The following ENTHD1 variants were observed in gnomAD, a reference collection of about 807,000 sequenced individuals.
ENTHD1 encodes the protein ENTH domain-containing protein 1.
Under a neutral mutation model 39.1 loss-of-function variants are expected in ENTHD1, and 23 were observed. That is an observed-to-expected ratio of 0.59 (90% CI 0.42 to 0.83). The LOEUF is 0.83. Among genes scored for constraint, ENTHD1 ranks in the 40% least tolerant of loss-of-function variants. ENTHD1 has a pLI of 0.00. For missense variants in ENTHD1, 624 were observed against 705.4 expected, an observed-to-expected ratio of 0.88 and a Z score of 1.31; for synonymous variants, 230 against 258.2, an observed-to-expected ratio of 0.89 and a Z score of 1.05.
Position 39,744,194 on chromosome 22 carries a change from A to T in ENTHD1, c.1309T>A (p.Leu437Ile). 2 of 1,614,126 alleles carry T rather than the reference A, an allele frequency of 1.2e-6. No individual in the cohort carries two copies. The highest frequency in any genetic ancestry group is 1.7e-6 in the Non-Finnish European group (2 of 1,179,982). The part of the protein sequence containing the change: ...LASPEKSAHL[L>I]SPILAGPSFW... ...GAAGGTCCGGCCAGAATTGGTGATAAGAGATGAGCTGACTTCTCTGGAGAG... is the reference window on the plus strand; with the variant it reads ...GAAGGTCCGGCCAGAATTGGTGATATGAGATGAGCTGACTTCTCTGGAGAG... The change falls in exon 7 of 7, where the codon TTA becomes ATA. Residue 437 changes from leucine (L) to isoleucine (I), a missense_variant. Coordinates refer to ENST00000325157, the MANE Select transcript of ENTHD1 (RefSeq NM_152512.4).
intron 5 of ENTHD1, among the ~76,000 whole-genome samples, chr22:39,769,047 TAC>T (rs1376954616): frequency 2.0e-5 from 3 of 150,784 alleles, no homozygotes; most frequent in African/African-American, 4.9e-5. Context: ...TGTACATATA[TAC>T]ACACACTAAC....
At position 39,799,377 on chromosome 22, in the gene ENTHD1, G is replaced by C. The variant is rs149915640; in HGVS notation, c.832+21616C>G. ...CCATTCCCCTGGGCTGCAGGACACT[G>C]TGTGTTAGAGCGGTGGTGATGCAGG... On this transcript the variant is annotated intron_variant, in intron 5 of 6. Transcript: ENST00000325157. 3.2e-3 allele frequency among the ~76,000 whole-genome samples: 485 copies of C among 152,320 alleles called. 5 individuals are homozygous for C. Among genetic ancestry groups the C allele is most frequent in the African/African-American group, 0.011 (468 of 41,574 alleles).
At position 39,821,053 on chromosome 22, in the gene ENTHD1, T is replaced by C. The variant is rs1458410389; in HGVS notation, c.772A>G (p.Ile258Val). The change falls in exon 5 of 7, where the codon ATT (isoleucine) becomes GTT (valine). Residue 258 changes from isoleucine (I) to valine (V), a missense_variant. Coordinates refer to ENST00000325157, the MANE Select transcript of ENTHD1 (RefSeq NM_152512.4). Reference sequence around the variant, plus strand: ...GACAAGCAAGTGATTGGAGAGACAATGGAAGGAGGTGTTGCTAGTAAAGGC... The same window carrying C: ...GACAAGCAAGTGATTGGAGAGACAACGGAAGGAGGTGTTGCTAGTAAAGGC... Reference protein sequence around the residue: ...ELPLLATPPSIVSPITCLSEA... With the variant: ...ELPLLATPPSVVSPITCLSEA... 8.1e-6 allele frequency: 13 copies of C among 1,613,884 alleles called. No individual in the cohort carries two copies. The highest frequency in any genetic ancestry group is 1.1e-5 in the Non-Finnish European group (13 of 1,179,966).
At chr22:39,769,044 AT>A (rs1212105929) in intron 5 of ENTHD1, among the ~76,000 whole-genome samples, 1 of 151,906 alleles carries the variant, frequency 6.6e-6, no homozygotes, top group Non-Finnish European at 1.5e-5. Flanking sequence ...ATATGTACAT[AT>A]ATACACACAC....
At chr22:39,822,281 T>C (rs935664790) in intron 4 of ENTHD1, among the ~76,000 whole-genome samples, 1 of 152,032 alleles carries the variant, frequency 6.6e-6, no homozygotes, top group Non-Finnish European at 1.5e-5. Context: ...TAGAGCTCGA[T>C]AACTTTTATC....
rs192486110 is a variant in ENTHD1 at position 39,862,064 on chromosome 22, A to T, written c.350-57T>A. The stretch of plus-strand genomic sequence containing the variant: ...GAAATACTAGTTAAGGCTATAATTA[A>T]TTTTTTTTCTACAGAAATTTTTTTA... On this transcript the variant is annotated intron_variant, in intron 2 of 6. Transcript: ENST00000325157. The T allele has an allele frequency of 2.2e-5, 29 of 1,305,880 alleles. No individual in the cohort carries two copies. The East Asian group carries it at 7.7e-4, about 35-fold the overall frequency. The allele number at this position is 1,305,880 out of a possible 1,614,324, so 80.9% of individuals were successfully genotyped here. A position where few individuals can be genotyped will look rare whatever the true frequency, so the allele number is the denominator to read the frequency against.
chr22:39,792,075 T>C (rs1414238445), intron 5 of ENTHD1, among the ~76,000 whole-genome samples: 1 of 152,206 alleles, frequency 6.6e-6, no homozygotes. Flanking sequence ...TCTCATTCTT[T>C]TTTATGGCTG....
At chr22:39,875,010 A>G (rs2066275915) in intron 2 of ENTHD1, among the ~76,000 whole-genome samples, 1 of 152,238 alleles carries the variant, frequency 6.6e-6, no homozygotes, top group Non-Finnish European at 1.5e-5. Context: ...AACCGAATGC[A>G]TATCGCACAG....
At chr22:39,829,815 A>AATAC (rs1469376630) in intron 4 of ENTHD1, among the ~76,000 whole-genome samples, 1 of 151,550 alleles carries the variant, frequency 6.6e-6, no homozygotes, top group African/African-American at 2.4e-5. Context: ...TAAATAAATA[A>AATAC]ATAAATAAAT....
chr22:39,845,517 G>C (rs566263343), intron 3 of ENTHD1, among the ~76,000 whole-genome samples: 12 of 152,250 alleles, frequency 7.9e-5, no homozygotes, highest in Non-Finnish European at 1.6e-4. Flanking sequence ...AAGCATGAAA[G>C]GGAAAGAAAG....
At chr22:39,826,593 G>T (rs917417263) in intron 4 of ENTHD1, among the ~76,000 whole-genome samples, 2 of 152,038 alleles carry the variant, frequency 1.3e-5, no homozygotes, top group Non-Finnish European at 2.9e-5. Flanking sequence ...GTGCTGAAAA[G>T]TTCCCGCTCA....
intron 6 of ENTHD1, chr22:39,750,164 T>C: frequency 4.8e-6 from 1 of 209,190 alleles, no homozygotes; most frequent in Non-Finnish European, 1.0e-5. Flanking sequence ...GTTTTGCTGA[T>C]TTGGGAAAAT....
rs189379489 is a variant in ENTHD1 at position 39,863,316 on chromosome 22, A to G, written c.350-1309T>C. ...GGGTGGGACAAGAAAAGGGAGAGCA[A>G]TTGGCTTTTCTCTGACGTAACATCC... On this transcript the variant is annotated intron_variant, in intron 2 of 6. Transcript: ENST00000325157. Among the ~76,000 whole-genome samples, 549 of 152,296 alleles carry G rather than the reference A, an allele frequency of 3.6e-3. 5 individuals carry two copies. The highest frequency in any genetic ancestry group is 0.014 in the Middle Eastern group (4 of 294).
intron 3 of ENTHD1, among the ~76,000 whole-genome samples, chr22:39,852,440 A>T (rs1306295703): frequency 6.6e-6 from 1 of 152,242 alleles, no homozygotes; most frequent in Non-Finnish European, 1.5e-5. Context: ...TTACAAGAGT[A>T]TAATGGTTTT....
At chr22:39,856,667 G>A (rs1183956186) in intron 3 of ENTHD1, among the ~76,000 whole-genome samples, 1 of 151,864 alleles carries the variant, frequency 6.6e-6, no homozygotes, top group African/African-American at 2.4e-5. Flanking sequence ...AAAGCACATG[G>A]TAGCAAGATC....
At chr22:39,772,089 T>G (rs1002378896) in intron 5 of ENTHD1, among the ~76,000 whole-genome samples, 1 of 152,236 alleles carries the variant, frequency 6.6e-6, no homozygotes, top group African/African-American at 2.4e-5. Flanking sequence ...CACCAGGGAC[T>G]GGTTTTGTGG....
At chr22:39,786,268 T>G (rs190982048) in intron 5 of ENTHD1, among the ~76,000 whole-genome samples, 30 of 152,292 alleles carry the variant, frequency 2.0e-4, no homozygotes, top group Admixed American at 1.6e-3. Context: ...GTGACACAAA[T>G]TATATATATT....
chr22:39,762,877 C>T (rs947760256), intron 6 of ENTHD1, among the ~76,000 whole-genome samples: 4 of 152,030 alleles, frequency 2.6e-5, no homozygotes, highest in South Asian at 2.1e-4. Flanking sequence ...ATCTAGATTA[C>T]TGTGGATCTG....
At chr22:39,880,285 T>C (rs932097317) in intron 2 of ENTHD1, among the ~76,000 whole-genome samples, 6 of 152,168 alleles carry the variant, frequency 3.9e-5, no homozygotes, top group African/African-American at 2.4e-5. Context: ...GGAAAAATTA[T>C]GGAGACAGTG....
Sources: allele counts gnomAD v4.1 joint callset (sites outside exome capture counted in the v4.1 genomes callset), GRCh38; gene constraint gnomAD v4.1.1; transcripts MANE v1.5; gene names NCBI Gene and HGNC (gene_info 2026-07-23, HGNC 2026-07-21).